Variants in EPB41L2 observed in about 807,000 individuals in gnomAD.
EPB41L2 encodes band 4.1-like protein 2.
In EPB41L2, 43 loss-of-function variants were observed where a neutral mutation model predicts 113.0. That is an observed-to-expected ratio of 0.38 (90% CI 0.30 to 0.49). The LOEUF (loss-of-function observed/expected upper bound fraction) is 0.49, where lower values mean the gene tolerates loss of function less well. EPB41L2 is among the 20% of genes least tolerant of loss of function. The pLI, the probability that EPB41L2 is intolerant of heterozygous loss-of-function variation, is 0.95. For missense variants in EPB41L2, 1,147 were observed against 1,223.4 expected (o/e 0.94, Z 0.93); for synonymous variants, 442 against 436.7 (o/e 1.01, Z -0.15).
chr6:131,012,655 A>G lies in EPB41L2; in HGVS notation c.-15+50500T>C, dbSNP rs187013310. ...AATAGATATCCCCAATAGAAGAGGG[A>G]AAAAAAATGAAAATTAAGTCCAACA... On this transcript the variant is annotated intron_variant, in intron 1 of 19. Coordinates refer to ENST00000337057, the MANE Select transcript of EPB41L2 (RefSeq NM_001431.4). 1.5e-3 allele frequency among the ~76,000 whole-genome samples: 227 copies of G among 151,730 alleles called. 1 individual carries two copies. Among genetic ancestry groups the G allele is most frequent in the Admixed American group, 3.1e-3 (47 of 15,228 alleles).
At chr6:130,937,580 G>A (rs768545810) in intron 3 of EPB41L2, among the ~76,000 whole-genome samples, 21 of 152,204 alleles carry the variant, frequency 1.4e-4, no homozygotes, top group Non-Finnish European at 2.5e-4. Flanking sequence ...CAGCACTTTG[G>A]GAGGCCGAAG....
At chr6:130,866,993 T>C (rs1171714951) in intron 16 of EPB41L2, among the ~76,000 whole-genome samples, 2 of 152,090 alleles carry the variant, frequency 1.3e-5, no homozygotes, top group Non-Finnish European at 2.9e-5. Context: ...TGTGTGTGTG[T>C]ATGTGTGTTA....
intron 1 of EPB41L2, among the ~76,000 whole-genome samples, chr6:131,053,323 T>C (rs1796934382): frequency 6.6e-6 from 1 of 151,160 alleles, no homozygotes; most frequent in Non-Finnish European, 1.5e-5. Context: ...GTGAAAGTAG[T>C]TGTGGCAGAC....
intron 18 of EPB41L2, among the ~76,000 whole-genome samples, chr6:130,860,895 T>C (rs1781806905): frequency 6.6e-6 from 1 of 152,044 alleles, no homozygotes. Flanking sequence ...GACACTGCAG[T>C]GTATTTTACC....
At chr6:130,961,938 T>A (rs914679527) in intron 1 of EPB41L2, among the ~76,000 whole-genome samples, 1 of 152,224 alleles carries the variant, frequency 6.6e-6, no homozygotes. Context: ...CAAATAACCA[T>A]TGAACTTAAA....
In EPB41L2 at chr6:130,915,031, C is replaced by T. The variant is rs988636079; in HGVS notation, c.811-6168G>A. On this transcript the variant is annotated intron_variant, in intron 4 of 19. Coordinates refer to ENST00000337057, the MANE Select transcript of EPB41L2 (RefSeq NM_001431.4). ...GTATTGTTAAATCACCGGCCGGGCGCGGTGGCTCACGCCTGTAATCCCAGC... is the reference window on the plus strand; with the variant it reads ...GTATTGTTAAATCACCGGCCGGGCGTGGTGGCTCACGCCTGTAATCCCAGC... 4.6e-5 allele frequency among the ~76,000 whole-genome samples: 7 copies of T among 152,134 alleles called. 1 individual carries two copies. In the South Asian group the frequency reaches 6.2e-4, roughly 14 times the overall value.
chr6:130,871,558 C>T (rs1172129333), intron 14 of EPB41L2, among the ~76,000 whole-genome samples: 1 of 152,188 alleles, frequency 6.6e-6, no homozygotes, highest in Admixed American at 6.5e-5. Context: ...ACATCACACA[C>T]ACACGTCTCT....
intron 1 of EPB41L2, among the ~76,000 whole-genome samples, chr6:130,987,088 A>C (rs1427567912): frequency 6.6e-6 from 1 of 152,112 alleles, no homozygotes; most frequent in East Asian, 1.9e-4. Context: ...AATAATATTA[A>C]ATTCTATGGC....
chr6:130,912,880 G>A (rs368232947), intron 4 of EPB41L2, among the ~76,000 whole-genome samples: 3 of 151,900 alleles, frequency 2.0e-5, no homozygotes, highest in African/African-American at 7.3e-5. Flanking sequence ...ATTGAATGGC[G>A]CCAAATTGAA....
intron 3 of EPB41L2, among the ~76,000 whole-genome samples, chr6:130,946,897 C>G (rs562353616): frequency 2.4e-4 from 36 of 151,862 alleles, no homozygotes; most frequent in African/African-American, 8.0e-4. Flanking sequence ...ACCAAAGGTA[C>G]TGATAGGTAA....
rs1440516208 is a variant in EPB41L2 at position 131,006,150 on chromosome 6, AGG to A, written c.-14-49653_-14-49652del. Among the ~76,000 whole-genome samples, 4 of 151,592 alleles carry A rather than the reference AGG, an allele frequency of 2.6e-5. No individual in the cohort carries two copies. In the East Asian group the frequency reaches 7.9e-4, roughly 30 times the overall value. On this transcript the variant is annotated intron_variant, in intron 1 of 19. Transcript: ENST00000337057. Reference sequence around the variant, plus strand: ...CGGCTCACTGCAACCTCTGCCTCCCAGGTTCAAGCGATTCTCATGCCTCAGCC... The same window carrying A: ...CGGCTCACTGCAACCTCTGCCTCCCATTCAAGCGATTCTCATGCCTCAGCC...
intron 1 of EPB41L2, among the ~76,000 whole-genome samples, chr6:131,042,140 A>C (rs1313036095): frequency 6.6e-6 from 1 of 152,126 alleles, no homozygotes; most frequent in East Asian, 1.9e-4. Context: ...ATTCTACTCT[A>C]TGTTTGCATA....
intron 3 of EPB41L2, among the ~76,000 whole-genome samples, chr6:130,942,836 G>GT (rs1303430673): frequency 1.3e-5 from 2 of 152,178 alleles, no homozygotes; most frequent in Non-Finnish European, 2.9e-5. Flanking sequence ...CCACTTATGA[G>GT]TGAGAACATG....
At chr6:131,059,736 C>G (rs1798310875) in intron 1 of EPB41L2, among the ~76,000 whole-genome samples, 2 of 152,150 alleles carry the variant, frequency 1.3e-5, no homozygotes, top group African/African-American at 4.8e-5. Context: ...CCCTGAGATT[C>G]CAAGATTCTA....
At position 131,005,965 on chromosome 6, in the gene EPB41L2, G is replaced by A. The variant is rs1785414805; in HGVS notation, c.-14-49466C>T. On this transcript the variant is annotated intron_variant, in intron 1 of 19. Coordinates refer to ENST00000337057, the MANE Select transcript of EPB41L2 (RefSeq NM_001431.4). ...TTCTCCCTGACAGCAGATAGCCTCA[G>A]CCAGAAAAAAAAGGTGCATCTCTTT... is the stretch of plus-strand genomic sequence containing the variant. Among the ~76,000 whole-genome samples the A allele has an allele frequency of 2.6e-5, 4 of 151,986 alleles. No individual in the cohort carries two copies. The South Asian group carries it at 8.3e-4, about 32-fold the overall frequency.
chr6:130,855,794 C>T lies in EPB41L2; in HGVS notation c.*5+2337G>A, dbSNP rs181383338. Among the ~76,000 whole-genome samples the T allele has an allele frequency of 2.6e-3, 396 of 151,244 alleles. 4 individuals are homozygous for T. Among genetic ancestry groups the T allele is most frequent in the African/African-American group, 8.2e-3 (337 of 41,136 alleles). ...CAACTGAAGTACTGCAGGATTTAAT[C>T]TTAGAACACAGCAATCTGATTCTAA... On this transcript the variant is annotated intron_variant, in intron 19 of 19. Coordinates refer to ENST00000337057, the MANE Select transcript of EPB41L2 (RefSeq NM_001431.4).
rs536052277 is a variant in EPB41L2 at position 130,928,206 on chromosome 6, T to C, written c.706-1497A>G. ...ATTAAATTACTGAGCATGTTTAAGA[T>C]AGATATGTGCTTGTTTGTCTACATA... On this transcript the variant is annotated intron_variant, in intron 3 of 19. Transcript: ENST00000337057. Among the ~76,000 whole-genome samples, 11 of 152,358 alleles carry C rather than the reference T, an allele frequency of 7.2e-5. No individual in the cohort carries two copies. The East Asian group carries it at 1.3e-3, about 19-fold the overall frequency.
chr6:130,972,323 C>CAAAAAA (rs56878009), intron 1 of EPB41L2, among the ~76,000 whole-genome samples: 9 of 76,616 alleles, frequency 1.2e-4, no homozygotes, highest in African/African-American at 2.8e-4. Context: ...GACTCCATCT[C>CAAAAAA]AAAAAAAAAA....
chr6:130,960,319 C>T (rs1200022226), intron 1 of EPB41L2, among the ~76,000 whole-genome samples: 1 of 152,138 alleles, frequency 6.6e-6, no homozygotes, highest in Non-Finnish European at 1.5e-5. Flanking sequence ...CAGATTTATT[C>T]AAAATATTCT....
Sources: gnomAD v4.1 joint callset for allele counts (sites outside exome capture counted in the v4.1 genomes callset) on GRCh38, gnomAD v4.1.1 for gene constraint, MANE v1.5 for transcripts, NCBI Gene and HGNC (gene_info 2026-07-23, HGNC 2026-07-21) for gene names.